GEMIN8: variants seen among roughly 807,000 people sequenced by gnomAD.
GEMIN8 encodes the protein gem nuclear organelle associated protein 8, also known as gem-associated protein 8.
For synonymous variants in GEMIN8, 80 were observed against 78.5 expected, an observed-to-expected ratio of 1.02 and a Z score of -0.10; for missense variants, 185 against 205.9, an observed-to-expected ratio of 0.90 and a Z score of 0.62.
chrX:14,012,589 G>A (rs1923632314), intron 4 of GEMIN8, among the ~76,000 whole-genome samples: 1 of 111,735 alleles, frequency 8.9e-6, no homozygotes, highest in African/African-American at 3.3e-5. Context: ...TATGGTGGAA[G>A]GGCACTGTCA....
At chrX:14,019,545 G>A (rs149135212) in intron 4 of GEMIN8, among the ~76,000 whole-genome samples, 5,243 of 111,515 alleles carry the variant, frequency 0.047, 134 homozygotes, top group Non-Finnish European at 0.08. Context: ...TCCAAGATGT[G>A]TCCCAGAGGA....
chrX:14,023,621 C>T (rs1603203160), intron 2 of GEMIN8, among the ~76,000 whole-genome samples: 1 of 111,947 alleles, frequency 8.9e-6, no homozygotes, highest in Non-Finnish European at 1.9e-5. Context: ...TCATGATCCG[C>T]CCGCCTCGGC....
chrX:13,986,439 G>T, the GEMIN8 span, among the ~76,000 whole-genome samples: 1 of 112,354 alleles, frequency 8.9e-6, no homozygotes, highest in African/African-American at 3.2e-5. Context: ...GCTGGTGTGT[G>T]GCTGCTGTGT....
At chrX:14,014,103 C>A in intron 4 of GEMIN8, 1 of 748,591 alleles carries the variant, frequency 1.3e-6, no homozygotes. Context: ...GATTATTCCA[C>A]ACATAGAGCC....
At chrX:13,984,910 T>C in the GEMIN8 span, among the ~76,000 whole-genome samples, 41 of 111,205 alleles carry the variant, frequency 3.7e-4, no homozygotes, top group African/African-American at 1.3e-3. Context: ...GGGTCAGTCA[T>C]TGGTTGAGGA....
chrX:13,995,170 C>T, the GEMIN8 span, among the ~76,000 whole-genome samples: 1 of 112,010 alleles, frequency 8.9e-6, no homozygotes. Context: ...CCCCAATCTC[C>T]CAAGCCAGGG....
chrX:14,014,692 T>C (rs1399296956), intron 4 of GEMIN8, among the ~76,000 whole-genome samples: 1 of 111,777 alleles, frequency 8.9e-6, no homozygotes, highest in African/African-American at 3.3e-5. Context: ...AGGCTCACTA[T>C]GAAAACTACA....
chrX:14,011,933 A>G (rs1272387910), intron 4 of GEMIN8, among the ~76,000 whole-genome samples: 1 of 111,268 alleles, frequency 9.0e-6, no homozygotes. Flanking sequence ...ATGATACACA[A>G]TGTTAACACA....
the GEMIN8 span, among the ~76,000 whole-genome samples, chrX:13,996,806 A>C: frequency 9.0e-6 from 1 of 111,424 alleles, no homozygotes; most frequent in Non-Finnish European, 1.9e-5. Context: ...TCTTCCCATC[A>C]AGAGGTGGAG....
the GEMIN8 span, among the ~76,000 whole-genome samples, chrX:13,992,779 A>G: frequency 0.026 from 2,870 of 111,679 alleles, 42 homozygotes; most frequent in African/African-American, 0.053. Context: ...TAAGGGCTTG[A>G]GCTCATATTG....
intron 4 of GEMIN8, chrX:14,014,552 C>T: frequency 2.7e-6 from 2 of 747,181 alleles, no homozygotes; most frequent in Non-Finnish European, 3.2e-6. Context: ...CCAGATGAAA[C>T]ACACACGCAT....
the GEMIN8 span, among the ~76,000 whole-genome samples, chrX:13,995,297 C>T: frequency 1.8e-5 from 2 of 111,750 alleles, no homozygotes; most frequent in Non-Finnish European, 3.8e-5. Flanking sequence ...TGGCTTTGGA[C>T]AAGTTACTTA....
At chrX:14,010,640 AAGG>A (rs1923472645) in intron 4 of GEMIN8, among the ~76,000 whole-genome samples, 1 of 111,992 alleles carries the variant, frequency 8.9e-6, no homozygotes, top group Non-Finnish European at 1.9e-5. Flanking sequence ...CATTGGAGGG[AAGG>A]AGTTTTATAA....
intron 4 of GEMIN8, among the ~76,000 whole-genome samples, chrX:14,019,354 G>C (rs1450425817): frequency 8.9e-6 from 1 of 112,387 alleles, no homozygotes; most frequent in Admixed American, 9.4e-5. Context: ...AAGGTGGTAA[G>C]AAATTTAAAA....
the GEMIN8 span, among the ~76,000 whole-genome samples, chrX:14,000,960 G>A: frequency 1.8e-5 from 2 of 111,243 alleles, no homozygotes; most frequent in African/African-American, 6.6e-5. Context: ...CACTGAAATT[G>A]CTTTAAGGTC....
At chrX:14,026,110 T>C in intron 2 of GEMIN8, 30 bp downstream of exon 2, 2 of 744,863 alleles carry the variant, frequency 2.7e-6, no homozygotes, top group Non-Finnish European at 1.6e-6. Flanking sequence ...TGGTCTTTAA[T>C]GGTCTTTAAT....
chrX:14,011,511 GCTCT>G (rs1446589381), intron 4 of GEMIN8, among the ~76,000 whole-genome samples: 1 of 91,131 alleles, frequency 1.1e-5, no homozygotes, highest in Non-Finnish European at 2.0e-5. Context: ...CAATCCTATG[GCTCT>G]CTTTTTTTTT....
intron 4 of GEMIN8, among the ~76,000 whole-genome samples, chrX:14,010,950 G>A (rs1284334051): frequency 1.5e-4 from 17 of 112,507 alleles, no homozygotes; most frequent in Non-Finnish European, 1.9e-5. Flanking sequence ...GTTCTCACAA[G>A]TGTTTAAATT....
chrX:13,987,803 T>C, the GEMIN8 span, among the ~76,000 whole-genome samples: 27 of 111,894 alleles, frequency 2.4e-4, no homozygotes, highest in Non-Finnish European at 4.3e-4. Context: ...TGAATCATTT[T>C]ATATAGCAAG....
Sources: allele counts gnomAD v4.1 joint callset (sites outside exome capture counted in the v4.1 genomes callset), GRCh38; gene constraint gnomAD v4.1.1; transcripts MANE v1.5; gene names NCBI Gene and HGNC (gene_info 2026-07-23, HGNC 2026-07-21).